The following C18orf32 variants were observed in gnomAD, a reference collection of about 807,000 sequenced individuals.
C18orf32 encodes UPF0729 protein C18orf32.
A neutral mutation model predicts 7.4 loss-of-function variants in C18orf32; 5 were observed. The ratio of observed to expected loss-of-function variants is 0.68; its 90% CI spans 0.35 to 1.42. C18orf32 has a LOEUF of 1.42. Ranked by LOEUF, C18orf32 falls within the 40% of genes most tolerant of loss-of-function variation. The pLI, the probability that C18orf32 is intolerant of heterozygous loss-of-function variation, is 0.04. For synonymous variants in C18orf32, 30 were observed against 29.3 expected, an observed-to-expected ratio of 1.02 and a Z score of -0.08; for missense variants, 88 against 92.4, an observed-to-expected ratio of 0.95 and a Z score of 0.19.
chr18:49,484,165 TATACAC>T (rs1440529560), intron 1 of C18orf32, among the ~76,000 whole-genome samples: 57 of 88,070 alleles, frequency 6.5e-4, no homozygotes, highest in East Asian at 3.8e-3. Context: ...TATATATATA[TATACAC>T]ACACACACAC....
chr18:49,486,505 T>C (rs1014006229), intron 1 of C18orf32: 4 of 152,080 alleles, frequency 2.6e-5, no homozygotes, highest in Admixed American at 2.6e-4. Context: ...TATCTTTTAA[T>C]CTTCATAATA....
chr18:49,481,179 G>C lies in C18orf32; in HGVS notation c.*1166C>G, dbSNP rs979242042. The C allele has an allele frequency of 6.6e-6, 1 of 152,138 alleles. No homozygotes were observed. The highest frequency in any genetic ancestry group is 2.4e-5 in the African/African-American group (1 of 41,422). 9.4% of individuals were successfully genotyped at this position (152,138 alleles called of 1,614,324 possible). A position where few individuals can be genotyped will look rare whatever the true frequency, so the allele number is the denominator to read the frequency against. ...TTGGACAGAAAAGCTGAGACCTGCT[G>C]ATTTACATGATTTATATCAAATAAA... On this transcript the variant is annotated 3_prime_UTR_variant, in exon 3 of 3. Coordinates refer to ENST00000318240, the MANE Select transcript of C18orf32 (RefSeq NM_001035005.4).
chr18:49,485,149 C>T (rs2083722148), intron 1 of C18orf32, among the ~76,000 whole-genome samples: 1 of 152,130 alleles, frequency 6.6e-6, no homozygotes, highest in African/African-American at 2.4e-5. Context: ...TGAGTCAGCA[C>T]CATCACTATG....
intron 2 of C18orf32, 81 bp from the exon 3 acceptor site, chr18:49,482,491 G>A: frequency 1.1e-6 from 1 of 900,960 alleles, no homozygotes; most frequent in Non-Finnish European, 1.8e-6. Context: ...CACTTTGGGA[G>A]GCTGAGGCAG....
In C18orf32 at chr18:49,483,601, CTTTG is replaced by C. The variant is rs1310773274; in HGVS notation, c.144_147del (p.Asn48LysfsTer4). ...GTTCTTACCTTAAAGTTTACTTTGC[CTTTG>C]TTTGTATCATTGGATTCTTGTATTG... On this transcript the variant is annotated frameshift_variant, in exon 2 of 3. Transcript: ENST00000318240. LOFTEE classifies it high-confidence loss of function. 1.2e-6 allele frequency: 2 copies of C among 1,604,660 alleles called. No homozygotes were observed. Among genetic ancestry groups the C allele is most frequent in the African/African-American group, 1.3e-5 (1 of 74,220 alleles).
chr18:49,481,113 T>C lies in C18orf32; in HGVS notation c.*1232A>G, dbSNP rs1243452589. 2.6e-5 allele frequency: 4 copies of C among 152,210 alleles called. No homozygotes were observed. 9.4% of individuals were successfully genotyped at this position (152,210 alleles called of 1,614,324 possible). A position where few individuals can be genotyped will look rare whatever the true frequency, so the allele number is the denominator to read the frequency against. On this transcript the variant is annotated 3_prime_UTR_variant, in exon 3 of 3. Transcript: ENST00000318240. ...TAATAGTATTTATACCTTAAAAAAG[T>C]TTATTTGCTAATGAGAATTTATCTT...
At position 49,477,779 on chromosome 18, in the gene C18orf32, A is replaced by AAAAC. The variant is rs138196185; in HGVS notation, c.*4562_*4565dup. Reference sequence around the variant, plus strand: ...AACAAGAGCGAAACTCCATCTTCCAAAAACAAACAAACAAACAAAAATATA... The same window carrying AAAAC: ...AACAAGAGCGAAACTCCATCTTCCAAAAACAAACAAACAAACAAACAAAAATATA... On this transcript the variant is annotated 3_prime_UTR_variant, in exon 3 of 3. Transcript: ENST00000318240. 7.8e-3 allele frequency: 628 copies of AAAAC among 80,170 alleles called. 42 individuals are homozygous for AAAAC. Among genetic ancestry groups the AAAAC allele is most frequent in the South Asian group, 0.039 (85 of 2,180 alleles). 5.0% of individuals were successfully genotyped at this position (80,170 alleles called of 1,614,324 possible).
At chr18:49,485,555 A>AG (rs1420553064) in intron 1 of C18orf32, among the ~76,000 whole-genome samples, 1 of 151,520 alleles carries the variant, frequency 6.6e-6, no homozygotes, top group Non-Finnish European at 1.5e-5. Context: ...ACTCCGTGTC[A>AG]GAAAAAAAAA....
chr18:49,480,334 A>G lies in C18orf32; in HGVS notation c.*2011T>C, dbSNP rs1409077240. On this transcript the variant is annotated 3_prime_UTR_variant, in exon 3 of 3. Transcript: ENST00000318240. ...CCCTGTCTCAAAAAATAAAATGTTT[A>G]TATTTTTATATTTTTATAATTTATT... The G allele has an allele frequency of 6.7e-6, 1 of 149,920 alleles. No individual in the cohort carries two copies. Among genetic ancestry groups the G allele is most frequent in the East Asian group, 1.9e-4 (1 of 5,178 alleles). The allele number at this position is 149,920 out of a possible 1,614,324, so 9.3% of individuals were successfully genotyped here. A position where few individuals can be genotyped will look rare whatever the true frequency, so the allele number is the denominator to read the frequency against.
chr18:49,483,533 A>G lies in C18orf32; in HGVS notation c.165+51T>C, dbSNP rs769797410. On this transcript the variant is annotated intron_variant, in intron 2 of 2. Coordinates refer to ENST00000318240, the MANE Select transcript of C18orf32 (RefSeq NM_001035005.4). The stretch of plus-strand genomic sequence containing the variant: ...CCTTCCAAAATCTAGTGTTTCACCC[A>G]AGTACCACCCCCTTTCACTGCTCTT... 5 of 1,511,616 alleles carry G rather than the reference A, an allele frequency of 3.3e-6. No homozygotes were observed. In the East Asian group the frequency reaches 1.2e-4, roughly 36 times the overall value. The allele number at this position is 1,511,616 out of a possible 1,614,324, so 93.6% of individuals were successfully genotyped here.
In C18orf32 at chr18:49,487,070, G is replaced by GGCCGGCGGGCCGCGACC. The variant is rs1448823134; in HGVS notation, c.-68_-52dup. The GGCCGGCGGGCCGCGACC allele has an allele frequency of 1.3e-5, 2 of 153,424 alleles. No individual in the cohort carries two copies. Among genetic ancestry groups the GGCCGGCGGGCCGCGACC allele is most frequent in the Non-Finnish European group, 2.9e-5 (2 of 69,156 alleles). The allele number at this position is 153,424 out of a possible 1,614,324, so 9.5% of individuals were successfully genotyped here. The stretch of plus-strand genomic sequence containing the variant: ...TGAGAGCGAAGGCAGGCACCGCGGA[G>GGCCGGCGGGCCGCGACC]GCCGGCGGGCCGCGACCGCCGAGGA... On this transcript the variant is annotated 5_prime_UTR_variant, in exon 1 of 3. Coordinates refer to ENST00000318240, the MANE Select transcript of C18orf32 (RefSeq NM_001035005.4).
In C18orf32 at chr18:49,480,363, A is replaced by G. The variant is rs1314299721; in HGVS notation, c.*1982T>C. 1 of 151,868 alleles carries G rather than the reference A, an allele frequency of 6.6e-6. No homozygotes were observed. Among genetic ancestry groups the G allele is most frequent in the African/African-American group, 2.4e-5 (1 of 41,346 alleles). 9.4% of individuals were successfully genotyped at this position (151,868 alleles called of 1,614,324 possible). On this transcript the variant is annotated 3_prime_UTR_variant, in exon 3 of 3. Coordinates refer to ENST00000318240, the MANE Select transcript of C18orf32 (RefSeq NM_001035005.4). ...TTTTATATTTTTATAATTTATTTAT[A>G]AATATGGAGATAAATTTAAAAAGCC...
chr18:49,478,948 G>A lies in C18orf32; in HGVS notation c.*3397C>T, dbSNP rs1182124942. 6.6e-6 allele frequency: 1 copy of A among 151,990 alleles called. No homozygotes were observed. The highest frequency in any genetic ancestry group is 2.1e-4 in the South Asian group (1 of 4,826). The allele number at this position is 151,990 out of a possible 1,614,324, so 9.4% of individuals were successfully genotyped here. ...CTTCTGGTGTCAAACTGTCTTTTAC[G>A]AAATACTGGTAATAAATTGTAGCTT... On this transcript the variant is annotated 3_prime_UTR_variant, in exon 3 of 3. Coordinates refer to ENST00000318240, the MANE Select transcript of C18orf32 (RefSeq NM_001035005.4).
At position 49,479,687 on chromosome 18, in the gene C18orf32, G is replaced by T; in HGVS notation, c.*2658C>A. On this transcript the variant is annotated 3_prime_UTR_variant, in exon 3 of 3. Transcript: ENST00000318240. Reference sequence around the variant, plus strand: ...TCTGGCTGAGGAACAGTTGGCCTGAGGTGACCTTGCAGAGAGAGGGCCAAG... The same window carrying T: ...TCTGGCTGAGGAACAGTTGGCCTGATGTGACCTTGCAGAGAGAGGGCCAAG... 1 of 152,416 alleles carries T rather than the reference G, an allele frequency of 6.6e-6. No individual in the cohort carries two copies. Among genetic ancestry groups the T allele is most frequent in the Non-Finnish European group, 1.5e-5 (1 of 68,114 alleles). The allele number at this position is 152,416 out of a possible 1,614,324, so 9.4% of individuals were successfully genotyped here. A position where few individuals can be genotyped will look rare whatever the true frequency, so the allele number is the denominator to read the frequency against.
rs1449194665 is a variant in C18orf32 at position 49,477,837 on chromosome 18, AT to A, written c.*4507del. On this transcript the variant is annotated 3_prime_UTR_variant, in exon 3 of 3. Coordinates refer to ENST00000318240, the MANE Select transcript of C18orf32 (RefSeq NM_001035005.4). ...ACACACACTATATATATATACACAT[AT>A]ATATATATACACACACTATATATAT... The A allele has an allele frequency of 1.6e-5, 2 of 121,508 alleles. No individual in the cohort carries two copies. Among genetic ancestry groups the A allele is most frequent in the African/African-American group, 7.4e-5 (2 of 26,978 alleles). 7.5% of individuals were successfully genotyped at this position (121,508 alleles called of 1,614,324 possible). A position where few individuals can be genotyped will look rare whatever the true frequency, so the allele number is the denominator to read the frequency against.
At chr18:49,484,914 C>A (rs2083718190) in intron 1 of C18orf32, 1 of 152,014 alleles carries the variant, frequency 6.6e-6, no homozygotes, top group Admixed American at 6.6e-5. Context: ...GAAACCCCGT[C>A]TCTACTAAAA....
chr18:49,482,788 T>C (rs2083679091), intron 2 of C18orf32, among the ~76,000 whole-genome samples: 1 of 144,002 alleles, frequency 6.9e-6, no homozygotes, highest in African/African-American at 2.6e-5. Context: ...TTAAGAGACA[T>C]TCTGTCTCTC....
In C18orf32 at chr18:49,483,716, A is replaced by G; in HGVS notation, c.33T>C (p.Val11=). 1.2e-6 allele frequency: 2 copies of G among 1,612,674 alleles called. No individual in the cohort carries two copies. ...GGAATTTTTTGTAGATCCAGAGCAGAACTGGAATGACGATACAAGGAATGC... is the reference window on the plus strand; with the variant it reads ...GGAATTTTTTGTAGATCCAGAGCAGGACTGGAATGACGATACAAGGAATGC... MVCIPCIVIP[V]LLWIYKKFLE... The change falls in exon 2 of 3, where the codon GTT becomes GTC. Residue 11 remains valine, a synonymous_variant. Coordinates refer to ENST00000318240, the MANE Select transcript of C18orf32 (RefSeq NM_001035005.4).
rs11454919 is a variant in C18orf32, at chr18:49,482,737, C to CAA, written c.166-329_166-328dup. On this transcript the variant is annotated intron_variant, in intron 2 of 2. Transcript: ENST00000318240. ...CGAGACTTCATCACAAAAACAAAAA[C>CAA]AAAAAAAAAAAAAGAAAGAAATTAT... is the stretch of plus-strand genomic sequence containing the variant. Among the ~76,000 whole-genome samples the CAA allele has an allele frequency of 5.4e-3, 662 of 122,390 alleles. 33 individuals are homozygous for CAA. The East Asian group carries it at 0.11, about 21-fold the overall frequency. 80.3% of individuals were successfully genotyped at this position (122,390 alleles called of 152,430 possible). A position where few individuals can be genotyped will look rare whatever the true frequency, so the allele number is the denominator to read the frequency against.
Sources: allele counts gnomAD v4.1 joint callset (sites outside exome capture counted in the v4.1 genomes callset), GRCh38; gene constraint gnomAD v4.1.1; transcripts MANE v1.5; gene names NCBI Gene and HGNC (gene_info 2026-07-23, HGNC 2026-07-21).